The following PLCL1 variants were observed in gnomAD, a reference collection of about 807,000 sequenced individuals.
The protein encoded by PLCL1 is inactive phospholipase C-like protein 1.
Under a neutral mutation model 84.4 loss-of-function variants are expected in PLCL1, and 41 were observed. That is an observed-to-expected ratio of 0.49 (90% CI 0.38 to 0.63). The LOEUF is 0.63. Among genes scored for constraint, PLCL1 ranks in the 30% least tolerant of loss-of-function variants. PLCL1 has a pLI of 0.00. For missense variants in PLCL1, 1,206 were observed against 1,367.8 expected (o/e 0.88, Z 1.87); for synonymous variants, 490 against 488.3 (o/e 1.00, Z -0.05).
intron 1 of PLCL1, among the ~76,000 whole-genome samples, chr2:198,068,809 G>A (rs1692378093): frequency 6.6e-6 from 1 of 151,804 alleles, no homozygotes; most frequent in African/African-American, 2.4e-5. Flanking sequence ...ATCATCTGAG[G>A]TCAGGAGTTC....
chr2:197,843,691 C>T (rs543120724), intron 1 of PLCL1, among the ~76,000 whole-genome samples: 13 of 152,228 alleles, frequency 8.5e-5, no homozygotes, highest in African/African-American at 2.9e-4. Context: ...ACTCTGCTTC[C>T]ATTTGGTTGT....
intron 1 of PLCL1, among the ~76,000 whole-genome samples, chr2:197,828,718 C>T (rs551915442): frequency 7.9e-5 from 12 of 152,148 alleles, no homozygotes; most frequent in South Asian, 2.1e-4. Context: ...AATCCATAAT[C>T]GAATATTCCA....
intron 5 of PLCL1, among the ~76,000 whole-genome samples, chr2:198,134,794 GAAAAAC>G (rs1694213917): frequency 6.6e-6 from 1 of 152,158 alleles, no homozygotes; most frequent in Non-Finnish European, 1.5e-5. Context: ...CAGATGTCAT[GAAAAAC>G]AATTTACTTG....
At chr2:197,984,938 GTT>G (rs879320482) in intron 1 of PLCL1, among the ~76,000 whole-genome samples, 1 of 145,316 alleles carries the variant, frequency 6.9e-6, no homozygotes, top group Non-Finnish European at 1.5e-5. Context: ...TTTCATTATG[GTT>G]TTTTTTTTTT....
At position 198,084,336 on chromosome 2, in the gene PLCL1, T is replaced by A; in HGVS notation, c.819T>A (p.Pro273=). Residue 273 remains proline (P), a synonymous_variant, in exon 2 of 6, where the codon CCT becomes CCA. Coordinates refer to ENST00000428675, the MANE Select transcript of PLCL1 (RefSeq NM_006226.4). ...TAGAGTTAATAAAACAACTCAACCC[T>A]ACTCTGAAGGAAGCCAAGATCAGGT... is the stretch of plus-strand genomic sequence containing the variant. ...TSVELIKQLN[P]TLKEAKIRLK... is the part of the protein sequence containing the mutation. 1 of 1,613,804 alleles carries A rather than the reference T, an allele frequency of 6.2e-7. No individual in the cohort carries two copies. The highest frequency in any genetic ancestry group is 8.5e-7 in the Non-Finnish European group (1 of 1,179,732).
At chr2:198,139,355 T>A (rs1399171079) in intron 5 of PLCL1, among the ~76,000 whole-genome samples, 2 of 152,198 alleles carry the variant, frequency 1.3e-5, no homozygotes, top group African/African-American at 4.8e-5. Context: ...CATTATTTGT[T>A]TTCATACTAG....
In PLCL1 at chr2:198,075,359, G is replaced by A. The variant is rs189967650; in HGVS notation, c.241-8399G>A. 3.4e-3 allele frequency among the ~76,000 whole-genome samples: 521 copies of A among 152,350 alleles called. 1 individual carries two copies. The highest frequency in any genetic ancestry group is 5.8e-3 in the Non-Finnish European group (392 of 68,038). On this transcript the variant is annotated intron_variant, in intron 1 of 5. Transcript: ENST00000428675. Reference sequence around the variant, plus strand: ...AGCCGCAAGTCGTTCCTCAGAGGCTGCTGAATAAATCGTCAGATGACCTTT... The same window carrying A: ...AGCCGCAAGTCGTTCCTCAGAGGCTACTGAATAAATCGTCAGATGACCTTT...
Position 198,084,851 on chromosome 2 carries a change from A to G in PLCL1, c.1334A>G (p.Asp445Gly). The G allele has an allele frequency of 3.7e-6, 6 of 1,614,012 alleles. No homozygotes were observed. The highest frequency in any genetic ancestry group is 5.1e-6 in the Non-Finnish European group (6 of 1,179,936). Reference sequence around the variant, plus strand: ...ATGGGCTGTCGAAGCGTTGAACTCGATGTAAGTGATGGTTCAGATAATGAA... The same window carrying G: ...ATGGGCTGTCGAAGCGTTGAACTCGGTGTAAGTGATGGTTCAGATAATGAA... ...LKMGCRSVEL[D>G]VSDGSDNEPI... Residue 445 changes from aspartate (D) to glycine (G), a missense_variant, in exon 2 of 6, where the codon GAT becomes GGT. Coordinates refer to ENST00000428675, the MANE Select transcript of PLCL1 (RefSeq NM_006226.4).
At chr2:198,088,666 C>T (rs954703229) in intron 2 of PLCL1, among the ~76,000 whole-genome samples, 192 bp from the exon 3 acceptor site, 1 of 152,196 alleles carries the variant, frequency 6.6e-6, no homozygotes, top group Admixed American at 6.5e-5. Context: ...ACTGCATAGC[C>T]TTGTGTCCCA....
At chr2:197,915,791 T>C (rs143732991) in intron 1 of PLCL1, among the ~76,000 whole-genome samples, 6 of 152,216 alleles carry the variant, frequency 3.9e-5, no homozygotes, top group African/African-American at 7.2e-5. Context: ...ACTCAAGTGG[T>C]TGGAGGGGCT....
At chr2:197,928,154 A>G (rs1426770364) in intron 1 of PLCL1, among the ~76,000 whole-genome samples, 1 of 152,150 alleles carries the variant, frequency 6.6e-6, no homozygotes, top group Non-Finnish European at 1.5e-5. Context: ...TTCCTTTTGC[A>G]TTTATTGCTC....
intron 1 of PLCL1, among the ~76,000 whole-genome samples, chr2:198,057,249 C>T (rs1232721298): frequency 6.6e-6 from 1 of 152,032 alleles, no homozygotes; most frequent in Non-Finnish European, 1.5e-5. Context: ...TGGAGAGGTT[C>T]ATAATGAAAG....
At chr2:197,988,590 A>C (rs368526528) in intron 1 of PLCL1, among the ~76,000 whole-genome samples, 1 of 152,200 alleles carries the variant, frequency 6.6e-6, no homozygotes, top group African/African-American at 2.4e-5. Context: ...TCCATGGTGT[A>C]TATATATCAC....
At chr2:197,886,516 C>T (rs1407438395) in intron 1 of PLCL1, among the ~76,000 whole-genome samples, 1 of 147,320 alleles carries the variant, frequency 6.8e-6, no homozygotes, top group African/African-American at 2.5e-5. Flanking sequence ...AAACCTAGTG[C>T]ATCTCCCTGG....
At chr2:198,034,719 T>C (rs537513933) in intron 1 of PLCL1, among the ~76,000 whole-genome samples, 1 of 152,334 alleles carries the variant, frequency 6.6e-6, no homozygotes, top group African/African-American at 2.4e-5. Flanking sequence ...GCTGATTGTC[T>C]CATCAATGTC....
intron 1 of PLCL1, among the ~76,000 whole-genome samples, chr2:198,035,636 G>A (rs1691537761): frequency 6.6e-6 from 1 of 152,326 alleles, no homozygotes; most frequent in South Asian, 2.1e-4. Flanking sequence ...GGTAGTAACA[G>A]ATGGAATAAG....
chr2:198,024,688 A>T (rs1475533143), intron 1 of PLCL1, among the ~76,000 whole-genome samples: 1 of 151,796 alleles, frequency 6.6e-6, no homozygotes, highest in Non-Finnish European at 1.5e-5. Context: ...GCATGAACCC[A>T]GGAGGCAGAG....
At chr2:198,021,351 A>G (rs1691129056) in intron 1 of PLCL1, among the ~76,000 whole-genome samples, 1 of 152,180 alleles carries the variant, frequency 6.6e-6, no homozygotes, top group African/African-American at 2.4e-5. Flanking sequence ...GAGAAGTAAG[A>G]GCAAACAAAT....
chr2:197,999,401 A>G (rs1690548126), intron 1 of PLCL1, among the ~76,000 whole-genome samples: 1 of 152,260 alleles, frequency 6.6e-6, no homozygotes, highest in South Asian at 2.1e-4. Context: ...CATTTTTACT[A>G]CATTTTAGCT....
Sources: allele counts gnomAD v4.1 joint callset (sites outside exome capture counted in the v4.1 genomes callset), GRCh38; gene constraint gnomAD v4.1.1; transcripts MANE v1.5; gene names NCBI Gene and HGNC (gene_info 2026-07-23, HGNC 2026-07-21).